THADA: variants seen among roughly 807,000 people sequenced by gnomAD.
THADA encodes THADA armadillo repeat containing, also known as tRNA (32-2'-O)-methyltransferase regulator THADA.
A neutral mutation model predicts 219.8 loss-of-function variants in THADA; 213 were observed. The observed-to-expected ratio is 0.97, with a 90% CI of 0.87 to 1.09. The LOEUF (loss-of-function observed/expected upper bound fraction) is 1.09. Among genes scored for constraint, THADA ranks in the 50% least tolerant of loss-of-function variants. The pLI is 0.00. For synonymous variants in THADA, 1,018 were observed against 828.9 expected (o/e 1.23, Z -3.92); for missense variants, 2,956 against 2,311.3 (o/e 1.28, Z -5.72).
intron 29 of THADA, among the ~76,000 whole-genome samples, chr2:43,377,077 G>A (rs1004600681): frequency 2.1e-4 from 32 of 152,156 alleles, no homozygotes; most frequent in Admixed American, 1.2e-3. Context: ...ACATAGCCCC[G>A]GGAGTGGCAC....
chr2:43,293,005 T>C lies in THADA; in HGVS notation c.4647A>G (p.Leu1549=). The C allele has an allele frequency of 1.2e-6, 2 of 1,614,022 alleles. No individual in the cohort carries two copies. The highest frequency in any genetic ancestry group is 1.7e-6 in the Non-Finnish European group (2 of 1,179,890). ...AGCGCACTTCAGGGAAGGCAGATTC[T>C]AACAGCTGAGAGAAAGAGATGGGGA... The part of the protein sequence containing the change: ...TNVPISFSQL[L]ESAFPEVRSL... Residue 1549 remains leucine, a synonymous_variant, in exon 32 of 38, where the codon TTA becomes TTG. Transcript: ENST00000405975.
rs1380607345 is a variant in THADA, at chr2:43,572,835, G to T, written c.1887C>A (p.Gly629=). Residue 629 remains glycine, a synonymous_variant, in exon 12 of 38, where the codon GGC becomes GGA. Coordinates refer to ENST00000405975, the MANE Select transcript of THADA (RefSeq NM_022065.5). ...NLVSDARIKQ[G]LIHQHCQVRI... is the part of the protein sequence containing the mutation. ...TTACTTGGCAATGCTGATGAATTAAGCCTTGCTTTATTCTTGCATCAGACA... is the reference window on the plus strand; with the variant it reads ...TTACTTGGCAATGCTGATGAATTAATCCTTGCTTTATTCTTGCATCAGACA... 3.1e-6 allele frequency: 5 copies of T among 1,613,690 alleles called. No individual in the cohort carries two copies. The highest frequency in any genetic ancestry group is 4.2e-6 in the Non-Finnish European group (5 of 1,179,776).
chr2:43,332,153 T>C (rs1202810450), intron 30 of THADA, among the ~76,000 whole-genome samples: 1 of 152,216 alleles, frequency 6.6e-6, no homozygotes, highest in Non-Finnish European at 1.5e-5. Context: ...TGGCACGATC[T>C]TGGCTCACTG....
At chr2:43,316,005 C>T (rs1558568389) in intron 31 of THADA, among the ~76,000 whole-genome samples, 1 of 152,188 alleles carries the variant, frequency 6.6e-6, no homozygotes, top group Non-Finnish European at 1.5e-5. Flanking sequence ...CCTCACCAGT[C>T]ACACCTGCCT....
intron 28 of THADA, among the ~76,000 whole-genome samples, chr2:43,403,764 G>A (rs534532684): frequency 2.6e-5 from 4 of 152,182 alleles, no homozygotes; most frequent in East Asian, 1.9e-4. Context: ...TTAACCAAGC[G>A]GTTTGCATCT....
chr2:43,579,562 G>A (rs1034092709), intron 8 of THADA, among the ~76,000 whole-genome samples: 1 of 152,132 alleles, frequency 6.6e-6, no homozygotes, highest in Admixed American at 6.6e-5. Flanking sequence ...AGAAAACTGT[G>A]ACTTTGATTG....
At chr2:43,593,278 GA>G (rs939778246) in intron 1 of THADA, among the ~76,000 whole-genome samples, 7 of 152,196 alleles carry the variant, frequency 4.6e-5, no homozygotes, top group South Asian at 4.1e-4. Context: ...TAGTTTAGGG[GA>G]AAAAAACACA....
intron 22 of THADA, among the ~76,000 whole-genome samples, chr2:43,524,540 TA>T (rs1435939948): frequency 3.3e-5 from 5 of 152,228 alleles, no homozygotes; most frequent in Non-Finnish European, 7.3e-5. Context: ...GTTGTATGCC[TA>T]AACAACTTTT....
chr2:43,347,833 G>A (rs1056364634), intron 29 of THADA, among the ~76,000 whole-genome samples: 1 of 152,202 alleles, frequency 6.6e-6, no homozygotes, highest in Non-Finnish European at 1.5e-5. Context: ...AGACACAGCT[G>A]GAGAAAGGAG....
chr2:43,531,004 T>C (rs1032091327), intron 21 of THADA, among the ~76,000 whole-genome samples: 3 of 152,212 alleles, frequency 2.0e-5, no homozygotes, highest in Non-Finnish European at 2.9e-5. Flanking sequence ...CTTTTGAAGA[T>C]AATGTAAAAT....
rs879530844 is a variant in THADA at position 43,549,303 on chromosome 2, T to G, written c.3013A>C (p.Asn1005His). The change falls in exon 20 of 38, where the codon AAC becomes CAC. Residue 1005 changes from asparagine to histidine, a missense_variant. By Grantham distance (68) the Asn-to-His change is moderately conservative. Coordinates refer to ENST00000405975, the MANE Select transcript of THADA (RefSeq NM_022065.5). ...TGTTCTTTCAATATTTTGGCTTGGT[T>G]AAAATAATCATTAGTATCTCGAGGC... ...IQPRDTNDYF[N>H]QAKILKEHDS... is the part of the protein sequence containing the mutation. 9.4e-6 allele frequency: 15 copies of G among 1,601,048 alleles called. No individual in the cohort carries two copies. Among genetic ancestry groups the G allele is most frequent in the Non-Finnish European group, 1.2e-5 (14 of 1,173,902 alleles).
chr2:43,377,155 T>C (rs1163410350), intron 29 of THADA, among the ~76,000 whole-genome samples: 1 of 152,222 alleles, frequency 6.6e-6, no homozygotes, highest in Non-Finnish European at 1.5e-5. Context: ...CTGAGCTACC[T>C]GTGGAGGAGT....
intron 28 of THADA, among the ~76,000 whole-genome samples, chr2:43,419,767 TG>T (rs1230775609): frequency 1.3e-5 from 2 of 152,214 alleles, no homozygotes; most frequent in African/African-American, 4.8e-5. Flanking sequence ...ATAAAAGTTC[TG>T]TATGGAAAAA....
rs1475206683 is a variant in THADA at position 43,301,378 on chromosome 2, CACCTGGCCAG to C, written c.4439-8175_4439-8166del. Reference sequence around the variant, plus strand: ...GAATGTTCCTGGCAGGCAGGCCAGCCACCTGGCCAGACCTTCAGCAATGTAAACACTGGCT... The same window carrying C: ...GAATGTTCCTGGCAGGCAGGCCAGCCACCTTCAGCAATGTAAACACTGGCT... On this transcript the variant is annotated intron_variant, in intron 31 of 37. Transcript: ENST00000405975. Among the ~76,000 whole-genome samples, 178 of 152,372 alleles carry C rather than the reference CACCTGGCCAG, an allele frequency of 1.2e-3. 2 individuals are homozygous for C. The highest frequency in any genetic ancestry group is 2.1e-3 in the Admixed American group (32 of 15,310).
chr2:43,561,058 T>C (rs1159716905), intron 15 of THADA, among the ~76,000 whole-genome samples: 1 of 150,392 alleles, frequency 6.6e-6, no homozygotes, highest in Admixed American at 6.6e-5. Context: ...TACCATATCT[T>C]AGAGTGAACT....
At chr2:43,479,608 A>C (rs1685943830) in intron 26 of THADA, among the ~76,000 whole-genome samples, 1 of 150,376 alleles carries the variant, frequency 6.6e-6, no homozygotes, top group South Asian at 2.1e-4. Context: ...TATAGAGATA[A>C]ATGTTAAAAA....
chr2:43,320,372 G>C (rs1678557904), intron 31 of THADA, 74 bp downstream of exon 31: 1 of 1,073,906 alleles, frequency 9.3e-7, no homozygotes, highest in Non-Finnish European at 1.4e-6. Context: ...GTGTGTGGCA[G>C]AGCCACTCAA....
intron 25 of THADA, among the ~76,000 whole-genome samples, chr2:43,494,255 C>T (rs1269323555): frequency 1.3e-5 from 2 of 152,196 alleles, no homozygotes; most frequent in African/African-American, 4.8e-5. Context: ...GCACCATGTA[C>T]AAGACAACCA....
intron 25 of THADA, among the ~76,000 whole-genome samples, chr2:43,488,874 G>A (rs1318190308): frequency 6.6e-6 from 1 of 152,116 alleles, no homozygotes; most frequent in Non-Finnish European, 1.5e-5. Flanking sequence ...TTATTTTAGT[G>A]GGCATGGAAT....
Sources: allele counts gnomAD v4.1 joint callset (sites outside exome capture counted in the v4.1 genomes callset), GRCh38; gene constraint gnomAD v4.1.1; transcripts MANE v1.5; gene names NCBI Gene and HGNC (gene_info 2026-07-23, HGNC 2026-07-21).